MFHAS1: variants seen among roughly 807,000 people sequenced by gnomAD.
The protein encoded by MFHAS1 is multifunctional ROCO family signaling regulator 1.
MFHAS1 carries 50 observed loss-of-function variants against 70.4 expected under a neutral mutation model. The observed-to-expected ratio is 0.71, with a 90% CI of 0.57 to 0.90. The LOEUF is 0.90. MFHAS1 is among the 40% of genes least tolerant of loss of function. The pLI is 0.00. For missense variants in MFHAS1, 1,795 were observed against 1,347.6 expected, an observed-to-expected ratio of 1.33 and a Z score of -5.20; for synonymous variants, 952 against 620.0, an observed-to-expected ratio of 1.54 and a Z score of -7.96.
intron 1 of MFHAS1, among the ~76,000 whole-genome samples, chr8:8,886,769 C>G (rs554852872): frequency 3.9e-5 from 6 of 152,214 alleles, no homozygotes; most frequent in African/African-American, 1.4e-4. Flanking sequence ...GACAACTTAA[C>G]GCTTTTATAA....
intron 1 of MFHAS1, among the ~76,000 whole-genome samples, chr8:8,836,350 A>G (rs1183156909): frequency 6.6e-6 from 1 of 152,118 alleles, no homozygotes; most frequent in Non-Finnish European, 1.5e-5. Context: ...TTCTTAGAAA[A>G]AGTACCCAGC....
Position 8,893,596 on chromosome 8 carries a change from T to TC in MFHAS1, c.-539dup, listed in dbSNP as rs1396030164. The TC allele has an allele frequency of 1.4e-5, 2 of 144,986 alleles. No homozygotes were observed. Among genetic ancestry groups the TC allele is most frequent in the Admixed American group, 6.8e-5 (1 of 14,674 alleles). The allele number at this position is 144,986 out of a possible 1,614,324, so 9.0% of individuals were successfully genotyped here. ...CTCGGGCGGGAGCGCGGGCGCCGCGTCCCCGGCGCTGGGAGGGCGCGATTG... is the reference window on the plus strand; with the variant it reads ...CTCGGGCGGGAGCGCGGGCGCCGCGTCCCCCGGCGCTGGGAGGGCGCGATTG... On this transcript the variant is annotated 5_prime_UTR_variant, in exon 1 of 3. Transcript: ENST00000276282.
intron 1 of MFHAS1, among the ~76,000 whole-genome samples, chr8:8,810,458 CT>C (rs2117281727): frequency 6.6e-6 from 1 of 152,336 alleles, no homozygotes; most frequent in African/African-American, 2.4e-5. Context: ...TTTTCTTCCA[CT>C]TCTGCCACCT....
chr8:8,807,796 T>C (rs548719444), intron 1 of MFHAS1, among the ~76,000 whole-genome samples: 1 of 152,288 alleles, frequency 6.6e-6, no homozygotes, highest in Admixed American at 6.5e-5. Context: ...AAAGGAGAGC[T>C]AAGGCCTTCT....
chr8:8,796,111 C>T (rs559211691), intron 2 of MFHAS1, among the ~76,000 whole-genome samples: 1 of 152,298 alleles, frequency 6.6e-6, no homozygotes, highest in East Asian at 1.9e-4. Context: ...GAAAAACACA[C>T]ATACATAAAA....
At chr8:8,884,252 A>G (rs764804770) in intron 1 of MFHAS1, among the ~76,000 whole-genome samples, 1 of 152,174 alleles carries the variant, frequency 6.6e-6, no homozygotes, top group African/African-American at 2.4e-5. Flanking sequence ...TCTGCACAGT[A>G]TTTGTTTATC....
chr8:8,884,087 G>GA (rs200519447), intron 1 of MFHAS1, among the ~76,000 whole-genome samples: 47 of 112,178 alleles, frequency 4.2e-4, no homozygotes, highest in Non-Finnish European at 6.1e-4. Flanking sequence ...CACACAAAAA[G>GA]AAAAAAAAAA....
chr8:8,787,378 C>A (rs940150420), intron 2 of MFHAS1, among the ~76,000 whole-genome samples: 100 of 152,148 alleles, frequency 6.6e-4, no homozygotes, highest in African/African-American at 2.3e-3. Context: ...CTGCGCCCGG[C>A]CTCAGCATCT....
chr8:8,884,923 A>C (rs1382369810), intron 1 of MFHAS1, among the ~76,000 whole-genome samples: 2 of 152,048 alleles, frequency 1.3e-5, no homozygotes, highest in Admixed American at 6.6e-5. Context: ...AATGCATTCC[A>C]ACCTCGGTGA....
intron 1 of MFHAS1, among the ~76,000 whole-genome samples, chr8:8,843,275 C>CAAAAAA (rs565954183): frequency 2.4e-5 from 3 of 123,702 alleles, no homozygotes; most frequent in Admixed American, 8.1e-5. Context: ...GACTCCGTCT[C>CAAAAAA]AAAAAAAAAA....
At chr8:8,806,609 C>A (rs2117274523) in intron 1 of MFHAS1, among the ~76,000 whole-genome samples, 1 of 152,270 alleles carries the variant, frequency 6.6e-6, no homozygotes, top group East Asian at 1.9e-4. Context: ...TGCAATAACA[C>A]AAGAACAATA....
At chr8:8,827,255 C>A (rs144500821) in intron 1 of MFHAS1, among the ~76,000 whole-genome samples, 2 of 152,110 alleles carry the variant, frequency 1.3e-5, no homozygotes, top group Non-Finnish European at 1.5e-5. Context: ...CAAATATCTG[C>A]GTAGTTATTT....
chr8:8,847,420 G>A lies in MFHAS1; in HGVS notation c.2998+42641C>T, dbSNP rs568044529. 2.0e-5 allele frequency among the ~76,000 whole-genome samples: 3 copies of A among 152,322 alleles called. No homozygotes were observed. In the South Asian group the frequency reaches 6.2e-4, roughly 32 times the overall value. On this transcript the variant is annotated intron_variant, in intron 1 of 2. Coordinates refer to ENST00000276282, the MANE Select transcript of MFHAS1 (RefSeq NM_004225.3). ...TGGTCTCAAACTCCTGACCTCAGGT[G>A]ATGCACCTGCCTTGGCCTGTCAAAG...
chr8:8,879,590 C>A (rs761446304), intron 1 of MFHAS1, among the ~76,000 whole-genome samples: 1 of 152,156 alleles, frequency 6.6e-6, no homozygotes. Context: ...AAAGCTGTGG[C>A]CTGCTTTGCT....
intron 2 of MFHAS1, among the ~76,000 whole-genome samples, chr8:8,793,938 A>G (rs1314378421): frequency 6.6e-6 from 1 of 152,208 alleles, no homozygotes; most frequent in Non-Finnish European, 1.5e-5. Flanking sequence ...CTGTAATCCC[A>G]GCATTTTCGG....
intron 1 of MFHAS1, among the ~76,000 whole-genome samples, chr8:8,850,722 G>C (rs1348292849): frequency 1.3e-5 from 2 of 151,182 alleles, no homozygotes; most frequent in Non-Finnish European, 2.9e-5. Context: ...ATAATCAGGA[G>C]GCTGAAGCAG....
chr8:8,800,113 G>C (rs536129605), intron 1 of MFHAS1, among the ~76,000 whole-genome samples: 1 of 152,248 alleles, frequency 6.6e-6, no homozygotes, highest in Non-Finnish European at 1.5e-5. Context: ...ATCTAAAAAC[G>C]CTATTTTTAA....
chr8:8,886,028 C>A (rs1000008271), intron 1 of MFHAS1, among the ~76,000 whole-genome samples: 4 of 152,180 alleles, frequency 2.6e-5, no homozygotes, highest in African/African-American at 9.7e-5. Flanking sequence ...TCCTGTCACT[C>A]AACCCATTTG....
At chr8:8,840,303 A>T (rs1447804542) in intron 1 of MFHAS1, among the ~76,000 whole-genome samples, 1 of 152,152 alleles carries the variant, frequency 6.6e-6, no homozygotes, top group African/African-American at 2.4e-5. Flanking sequence ...CTAAAAATAC[A>T]AAAATTAGCC....
Sources: allele counts gnomAD v4.1 joint callset (sites outside exome capture counted in the v4.1 genomes callset), GRCh38; gene constraint gnomAD v4.1.1; transcripts MANE v1.5; gene names NCBI Gene and HGNC (gene_info 2026-07-23, HGNC 2026-07-21).